SLC24A2: variants seen among roughly 807,000 people sequenced by gnomAD.
The protein encoded by SLC24A2 is solute carrier family 24 member 2.
A neutral mutation model predicts 62.0 loss-of-function variants in SLC24A2; 36 were observed. The observed-to-expected ratio is 0.58, with a 90% CI of 0.44 to 0.77. The LOEUF is 0.77. Among genes scored for constraint, SLC24A2 ranks in the 30% least tolerant of loss-of-function variants. The probability of loss-of-function intolerance (pLI) is 0.00; values close to 1 mark genes in which losing one functional copy is unlikely to be tolerated. For missense variants in SLC24A2, 846 were observed against 817.9 expected, an observed-to-expected ratio of 1.03 and a Z score of -0.42; for synonymous variants, 358 against 294.0, an observed-to-expected ratio of 1.22 and a Z score of -2.23.
the SLC24A2 span, among the ~76,000 whole-genome samples, chr9:20,246,803 G>A: frequency 6.6e-6 from 1 of 152,198 alleles, no homozygotes. Flanking sequence ...AGGCCCAGAT[G>A]TAGCCTGACA....
chr9:19,627,429 C>T (rs550236235), intron 2 of SLC24A2, among the ~76,000 whole-genome samples: 3 of 152,238 alleles, frequency 2.0e-5, no homozygotes, highest in Non-Finnish European at 4.4e-5. Flanking sequence ...ATATGGAATA[C>T]TCAGTAAGGC....
the SLC24A2 span, among the ~76,000 whole-genome samples, chr9:20,134,050 A>C: frequency 6.6e-6 from 1 of 152,144 alleles, no homozygotes; most frequent in Admixed American, 6.6e-5. Context: ...TAGGGAACTA[A>C]CCCAACGATG....
the SLC24A2 span, among the ~76,000 whole-genome samples, chr9:20,178,577 C>T: frequency 6.6e-6 from 1 of 152,116 alleles, no homozygotes; most frequent in Non-Finnish European, 1.5e-5. Context: ...CCCTCAGGAA[C>T]TCACTTTTCT....
the SLC24A2 span, among the ~76,000 whole-genome samples, chr9:20,050,127 G>A: frequency 6.7e-6 from 1 of 148,758 alleles, no homozygotes; most frequent in African/African-American, 2.5e-5. Flanking sequence ...CACACACAGA[G>A]ATAACTTGGT....
the SLC24A2 span, among the ~76,000 whole-genome samples, chr9:20,145,833 C>A: frequency 2.0e-5 from 3 of 151,824 alleles, no homozygotes; most frequent in Non-Finnish European, 4.4e-5. Context: ...AATAGCCATA[C>A]ATACATGTAT....
At chr9:19,921,222 T>C in the SLC24A2 span, among the ~76,000 whole-genome samples, 21 of 152,024 alleles carry the variant, frequency 1.4e-4, no homozygotes, top group Non-Finnish European at 2.5e-4. Flanking sequence ...CTATCTTCAC[T>C]AAGAATTTAG....
chr9:19,602,849 A>T (rs184015452), intron 4 of SLC24A2, among the ~76,000 whole-genome samples: 29 of 152,314 alleles, frequency 1.9e-4, no homozygotes, highest in African/African-American at 6.5e-4. Flanking sequence ...GTTAATCTGT[A>T]TAAAATGCTT....
intron 8 of SLC24A2, among the ~76,000 whole-genome samples, chr9:19,548,462 C>T (rs1328781736): frequency 2.0e-5 from 3 of 152,102 alleles, no homozygotes; most frequent in South Asian, 4.1e-4. Context: ...TAGATGTTTC[C>T]TGAAATTACA....
At chr9:19,548,979 C>G (rs986904277) in intron 8 of SLC24A2, among the ~76,000 whole-genome samples, 1 of 152,186 alleles carries the variant, frequency 6.6e-6, no homozygotes, top group African/African-American at 2.4e-5. Flanking sequence ...AGAGCTGTTT[C>G]TCCTTCCCTC....
At chr9:20,123,842 C>G in the SLC24A2 span, among the ~76,000 whole-genome samples, 1 of 152,100 alleles carries the variant, frequency 6.6e-6, no homozygotes, top group Non-Finnish European at 1.5e-5. Flanking sequence ...TAGTAAGCAT[C>G]AACTATCTTC....
intron 2 of SLC24A2, among the ~76,000 whole-genome samples, chr9:19,729,823 A>G (rs756113864): frequency 1.2e-4 from 19 of 152,306 alleles, no homozygotes; most frequent in Middle Eastern, 3.4e-3. Flanking sequence ...GAATGCCTAT[A>G]GTTAAAAATA....
chr9:19,608,110 A>C (rs1437642224), intron 4 of SLC24A2, among the ~76,000 whole-genome samples: 2 of 152,190 alleles, frequency 1.3e-5, no homozygotes, highest in Non-Finnish European at 2.9e-5. Context: ...ATTTTTCTCC[A>C]GTGAAGATTT....
the SLC24A2 span, among the ~76,000 whole-genome samples, chr9:19,858,001 CTG>C: frequency 6.6e-6 from 1 of 152,126 alleles, no homozygotes; most frequent in African/African-American, 2.4e-5. Context: ...AGAAAAAAAT[CTG>C]TTTTAAAATT....
intron 2 of SLC24A2, among the ~76,000 whole-genome samples, chr9:19,705,892 A>C (rs374959236): frequency 3.9e-5 from 6 of 152,150 alleles, no homozygotes; most frequent in African/African-American, 1.4e-4. Flanking sequence ...TGTGGTGCTG[A>C]AAAGAATGTA....
chr9:20,102,344 G>T, the SLC24A2 span, among the ~76,000 whole-genome samples: 1 of 152,108 alleles, frequency 6.6e-6, no homozygotes, highest in Non-Finnish European at 1.5e-5. Flanking sequence ...CCTTTGCAGG[G>T]ACATGGATGA....
At chr9:19,723,222 T>C (rs1367994405) in intron 2 of SLC24A2, among the ~76,000 whole-genome samples, 1 of 152,162 alleles carries the variant, frequency 6.6e-6, no homozygotes, top group Non-Finnish European at 1.5e-5. Flanking sequence ...AATCTCCAAA[T>C]AGCTTAAGGC....
At chr9:20,304,891 C>A in the SLC24A2 span, among the ~76,000 whole-genome samples, 14 of 150,748 alleles carry the variant, frequency 9.3e-5, no homozygotes, top group East Asian at 3.9e-4. Flanking sequence ...ACCTGGGTCA[C>A]GACAGTAACT....
chr9:20,044,166 A>G, the SLC24A2 span, among the ~76,000 whole-genome samples: 3 of 152,138 alleles, frequency 2.0e-5, no homozygotes, highest in Non-Finnish European at 4.4e-5. Flanking sequence ...TTTGAAACAC[A>G]ATGCAAACTT....
chr9:19,704,043 A>G (rs1481344653), intron 2 of SLC24A2, among the ~76,000 whole-genome samples: 3 of 152,202 alleles, frequency 2.0e-5, no homozygotes, highest in African/African-American at 7.2e-5. Context: ...TATAAAATCA[A>G]CTGCATCAAT....
Sources: gnomAD v4.1 joint callset for allele counts (sites outside exome capture counted in the v4.1 genomes callset) on GRCh38, gnomAD v4.1.1 for gene constraint, MANE v1.5 for transcripts, NCBI Gene and HGNC (gene_info 2026-07-23, HGNC 2026-07-21) for gene names.